UBE2W: variants seen among roughly 807,000 people sequenced by gnomAD.
UBE2W encodes ubiquitin-conjugating enzyme E2 W.
In UBE2W, 18 loss-of-function variants were observed where a neutral mutation model predicts 27.2. The observed-to-expected ratio is 0.66, with a 90% confidence interval of 0.46 to 0.98. The LOEUF (loss-of-function observed/expected upper bound fraction) is 0.98, where lower values mean the gene tolerates loss of function less well. UBE2W is among the 50% of genes least tolerant of loss of function. The pLI, the probability that UBE2W is intolerant of heterozygous loss-of-function variation, is 0.00. For missense variants in UBE2W, 90 were observed against 180.2 expected, an observed-to-expected ratio of 0.50 and a Z score of 2.87; for synonymous variants, 53 against 57.2, an observed-to-expected ratio of 0.93 and a Z score of 0.33.
intron 2 of UBE2W, among the ~76,000 whole-genome samples, chr8:73,828,122 A>T (rs982220057): frequency 6.6e-6 from 1 of 152,164 alleles, no homozygotes; most frequent in African/African-American, 2.4e-5. Flanking sequence ...ATGAGACTAC[A>T]CGTGTTGTTC....
chr8:73,830,537 G>A lies in UBE2W; in HGVS notation c.16-65C>T, dbSNP rs1810027826. The A allele has an allele frequency of 2.2e-5, 28 of 1,264,344 alleles. No homozygotes were observed. The Admixed American group carries it at 2.7e-4, about 12-fold the overall frequency. The allele number at this position is 1,264,344 out of a possible 1,614,324, so 78.3% of individuals were successfully genotyped here. A position where few individuals can be genotyped will look rare whatever the true frequency, so the allele number is the denominator to read the frequency against. On this transcript the variant is annotated intron_variant, in intron 1 of 5. Transcript: ENST00000602593. The stretch of plus-strand genomic sequence containing the variant: ...CTAGGTCTGGGTCACCCAGGTTGGA[G>A]TACAGTGGTGTGATCACAGCTCACC...
chr8:73,793,809 C>A lies in UBE2W; in HGVS notation c.*293G>T. 8.9e-7 allele frequency: 1 copy of A among 1,128,198 alleles called. No individual in the cohort carries two copies. Among genetic ancestry groups the A allele is most frequent in the South Asian group, 3.6e-5 (1 of 28,008 alleles). 69.9% of individuals were successfully genotyped at this position (1,128,198 alleles called of 1,614,324 possible). ...TTGTTATTGCACAATACATGAGGAC[C>A]TGGAGCTTTTCCAAAAGCTTAAAAA... On this transcript the variant is annotated 3_prime_UTR_variant, in exon 6 of 6. Transcript: ENST00000602593.
At chr8:73,823,181 A>T (rs1360413645) in intron 3 of UBE2W, among the ~76,000 whole-genome samples, 1 of 152,216 alleles carries the variant, frequency 6.6e-6, no homozygotes, top group African/African-American at 2.4e-5. Context: ...AGAACAGACA[A>T]ATAAAATCAG....
At chr8:73,841,420 T>C (rs1263579001) in intron 1 of UBE2W, among the ~76,000 whole-genome samples, 1 of 152,186 alleles carries the variant, frequency 6.6e-6, no homozygotes, top group Non-Finnish European at 1.5e-5. Flanking sequence ...GAATGCAATG[T>C]AGGTATTCAT....
chr8:73,820,263 T>C (rs546719882), intron 3 of UBE2W, among the ~76,000 whole-genome samples: 2 of 152,294 alleles, frequency 1.3e-5, no homozygotes, highest in South Asian at 2.1e-4. Flanking sequence ...TTGAAGTCTA[T>C]AAGCACATCA....
rs1208801990 is a variant in UBE2W, at chr8:73,787,453, A to G, written c.*6649T>C. 20 of 985,350 alleles carry G rather than the reference A, an allele frequency of 2.0e-5. No homozygotes were observed. Among genetic ancestry groups the G allele is most frequent in the Non-Finnish European group, 2.3e-5 (19 of 829,944 alleles). The allele number at this position is 985,350 out of a possible 1,614,324, so 61.0% of individuals were successfully genotyped here. A position where few individuals can be genotyped will look rare whatever the true frequency, so the allele number is the denominator to read the frequency against. ...AAGGAAAAGGGCATCATCAAAGTAC[A>G]AAAGATGGTTCATATATTTATCTAA... is the stretch of plus-strand genomic sequence containing the variant. On this transcript the variant is annotated 3_prime_UTR_variant, in exon 6 of 6. Transcript: ENST00000602593.
At position 73,787,198 on chromosome 8, in the gene UBE2W, C is replaced by A. The variant is rs1056338845; in HGVS notation, c.*6904G>T. ...TGGTTGAAAGGGGCTCCCAACAGGACAGATAACCACAGTGGCTTTGAGCTT... is the reference window on the plus strand; with the variant it reads ...TGGTTGAAAGGGGCTCCCAACAGGAAAGATAACCACAGTGGCTTTGAGCTT... On this transcript the variant is annotated 3_prime_UTR_variant, in exon 6 of 6. Transcript: ENST00000602593. 1.0e-6 allele frequency: 1 copy of A among 985,320 alleles called. No homozygotes were observed. The highest frequency in any genetic ancestry group is 1.2e-6 in the Non-Finnish European group (1 of 829,946). 61.0% of individuals were successfully genotyped at this position (985,320 alleles called of 1,614,324 possible).
At chr8:73,867,542 A>G (rs1563635273) in intron 1 of UBE2W, among the ~76,000 whole-genome samples, 1 of 151,596 alleles carries the variant, frequency 6.6e-6, no homozygotes, top group Non-Finnish European at 1.5e-5. Flanking sequence ...TCAAAAAAAC[A>G]AAAAACAAAA....
chr8:73,796,291 T>C (rs1338996470), intron 5 of UBE2W, among the ~76,000 whole-genome samples: 1 of 152,106 alleles, frequency 6.6e-6, no homozygotes, highest in Non-Finnish European at 1.5e-5. Flanking sequence ...AAATTCTACC[T>C]AATATGTCAA....
In UBE2W at chr8:73,791,590, A is replaced by G. The variant is rs1808202025; in HGVS notation, c.*2512T>C. 1 of 985,098 alleles carries G rather than the reference A, an allele frequency of 1.0e-6. No individual in the cohort carries two copies. Among genetic ancestry groups the G allele is most frequent in the Admixed American group, 6.2e-5 (1 of 16,246 alleles). The allele number at this position is 985,098 out of a possible 1,614,324, so 61.0% of individuals were successfully genotyped here. The stretch of plus-strand genomic sequence containing the variant: ...TTCTTTTTATTATTACAAGCCATTA[A>G]TTGCTCTCTGTAGAGCAATGACTCA... On this transcript the variant is annotated 3_prime_UTR_variant, in exon 6 of 6. Transcript: ENST00000602593.
In UBE2W at chr8:73,878,851, G is replaced by A. The variant is rs1277891306; in HGVS notation, c.-29C>T. The stretch of plus-strand genomic sequence containing the variant: ...GGAACCATCCCCCCAAGACCGGCGA[G>A]GCCAGAGACGCAGGGGGAGGAGCTG... On this transcript the variant is annotated 5_prime_UTR_variant, in exon 1 of 6. Transcript: ENST00000602593. 1.3e-6 allele frequency: 2 copies of A among 1,547,598 alleles called. No homozygotes were observed. The highest frequency in any genetic ancestry group is 1.7e-6 in the Non-Finnish European group (2 of 1,144,850).
intron 1 of UBE2W, among the ~76,000 whole-genome samples, chr8:73,843,543 G>T (rs1281487651): frequency 6.6e-6 from 1 of 152,054 alleles, no homozygotes; most frequent in African/African-American, 2.4e-5. Flanking sequence ...AACTGAGGGG[G>T]AAAGATTTCT....
intron 5 of UBE2W, among the ~76,000 whole-genome samples, chr8:73,796,874 C>T (rs1808443713): frequency 7.5e-6 from 1 of 133,976 alleles, no homozygotes; most frequent in Non-Finnish European, 1.6e-5. Context: ...ACAAACTCAC[C>T]CCCCAACCAA....
chr8:73,801,861 A>T (rs1016450963), intron 5 of UBE2W, among the ~76,000 whole-genome samples: 2 of 152,230 alleles, frequency 1.3e-5, no homozygotes, highest in African/African-American at 2.4e-5. Flanking sequence ...GAATTATCTG[A>T]GGGTATCTTA....
At chr8:73,871,807 CTTTAT>C (rs1039063659) in intron 1 of UBE2W, among the ~76,000 whole-genome samples, 1 of 152,088 alleles carries the variant, frequency 6.6e-6, no homozygotes. Flanking sequence ...CAGATCATCC[CTTTAT>C]TTTTTATTTT....
chr8:73,780,255 C>A, exon 5 of UBE2W: 1 of 184,168 alleles, frequency 5.4e-6, no homozygotes, highest in Non-Finnish European at 1.2e-5. Context: ...CTGGCATTTG[C>A]TGGCTTGTTG....
At chr8:73,820,562 C>A (rs1205290910) in intron 3 of UBE2W, among the ~76,000 whole-genome samples, 1 of 151,812 alleles carries the variant, frequency 6.6e-6, no homozygotes, top group Non-Finnish European at 1.5e-5. Flanking sequence ...CATGGTGAAA[C>A]CTTGTTTCTA....
intron 4 of UBE2W, among the ~76,000 whole-genome samples, chr8:73,806,147 C>G (rs1045212763): frequency 2.0e-5 from 3 of 151,834 alleles, no homozygotes; most frequent in Non-Finnish European, 2.9e-5. Flanking sequence ...GAGCGAGACT[C>G]TCGTCTCAAA....
chr8:73,874,198 G>A (rs1438258829), intron 1 of UBE2W, among the ~76,000 whole-genome samples: 3 of 152,164 alleles, frequency 2.0e-5, no homozygotes, highest in Admixed American at 6.5e-5. Context: ...TTGGGAGGCC[G>A]AGGCGGGCGG....
Sources: allele counts gnomAD v4.1 joint callset (sites outside exome capture counted in the v4.1 genomes callset), GRCh38; gene constraint gnomAD v4.1.1; transcripts MANE v1.5; gene names NCBI Gene and HGNC (gene_info 2026-07-23, HGNC 2026-07-21).